The following ROBO1 variants were observed in gnomAD, a reference collection of about 807,000 sequenced individuals.
ROBO1 encodes roundabout guidance receptor 1.
A neutral mutation model predicts 195.9 loss-of-function variants in ROBO1; 149 were observed. That is an observed-to-expected ratio of 0.76 (90% CI 0.67 to 0.87). The LOEUF is 0.87. ROBO1 is among the 40% of genes least tolerant of loss of function. ROBO1 has a pLI of 0.00. For synonymous variants in ROBO1, 816 were observed against 733.2 expected (o/e 1.11, Z -1.82); for missense variants, 1,933 against 2,068.3 (o/e 0.93, Z 1.27).
chr3:79,217,569 G>T (rs1472145069), intron 2 of ROBO1, among the ~76,000 whole-genome samples: 3 of 151,854 alleles, frequency 2.0e-5, no homozygotes, highest in South Asian at 2.1e-4. Flanking sequence ...CCTATAGACT[G>T]GCATCTTGGG....
intron 1 of ROBO1, among the ~76,000 whole-genome samples, chr3:79,679,582 G>C (rs1018691533): frequency 1.4e-4 from 22 of 151,952 alleles, no homozygotes; most frequent in Non-Finnish European, 1.2e-4. Context: ...TCTTCTGTTT[G>C]TTAATTTAAC....
At chr3:78,610,003 C>G (rs1299615984) in intron 28 of ROBO1, among the ~76,000 whole-genome samples, 1 of 151,984 alleles carries the variant, frequency 6.6e-6, no homozygotes, top group African/African-American at 2.4e-5. Flanking sequence ...TAGTACCTAC[C>G]AGCTGTTTTA....
At chr3:79,255,049 C>T (rs1352590741) in intron 2 of ROBO1, among the ~76,000 whole-genome samples, 6 of 152,098 alleles carry the variant, frequency 3.9e-5, no homozygotes, top group African/African-American at 1.4e-4. Context: ...AAAAGTCTTC[C>T]GCATTTGCTG....
At chr3:79,397,709 A>T (rs2037206481) in intron 2 of ROBO1, among the ~76,000 whole-genome samples, 1 of 152,198 alleles carries the variant, frequency 6.6e-6, no homozygotes. Context: ...CAAAACATTT[A>T]TAAAGTACAA....
chr3:79,041,362 C>T (rs529581490), intron 3 of ROBO1, among the ~76,000 whole-genome samples: 5 of 152,218 alleles, frequency 3.3e-5, no homozygotes, highest in Admixed American at 3.3e-4. Flanking sequence ...GGAGATTTCT[C>T]TTCCACTTCC....
rs558087386 is a variant in ROBO1, at chr3:78,614,781, C to T, written c.4302G>A (p.Ala1434=). 7.0e-5 allele frequency: 113 copies of T among 1,606,658 alleles called. 2 individuals are homozygous for T. In the African/African-American group the frequency reaches 7.5e-4, roughly 11 times the overall value. ...QDAAGRRHFH[A]SQCPRPTSPV... ...GACTTGTGGGCCTAGGGCACTGAGA[C>T]GCATGAAAATGTCGACGGCCTAAGG... The change falls in exon 28 of 31, where the codon GCG becomes GCA. Residue 1434 remains alanine (A), a synonymous_variant. Coordinates refer to ENST00000464233, the MANE Select transcript of ROBO1 (RefSeq NM_002941.4).
chr3:79,206,775 G>T (rs1019993268), intron 2 of ROBO1, among the ~76,000 whole-genome samples: 7 of 152,258 alleles, frequency 4.6e-5, no homozygotes, highest in South Asian at 2.1e-4. Context: ...ATTCTTGAAA[G>T]AAAAGGCAGT....
At chr3:79,729,848 T>A (rs1353773155) in intron 1 of ROBO1, among the ~76,000 whole-genome samples, 1 of 152,190 alleles carries the variant, frequency 6.6e-6, no homozygotes, top group Non-Finnish European at 1.5e-5. Flanking sequence ...TGGTAGATTT[T>A]ACTGCTGCAT....
At chr3:78,936,028 G>A (rs1049020139) in intron 4 of ROBO1, among the ~76,000 whole-genome samples, 1 of 151,902 alleles carries the variant, frequency 6.6e-6, no homozygotes, top group Non-Finnish European at 1.5e-5. Flanking sequence ...TATCTGCACT[G>A]AGGTCTACCC....
At chr3:78,700,005 A>T (rs1450802936) in intron 8 of ROBO1, among the ~76,000 whole-genome samples, 4 of 152,222 alleles carry the variant, frequency 2.6e-5, no homozygotes, top group Non-Finnish European at 5.9e-5. Flanking sequence ...TATAGTTAAA[A>T]TTATACATTT....
intron 8 of ROBO1, among the ~76,000 whole-genome samples, chr3:78,713,915 C>T (rs981443163): frequency 1.2e-4 from 19 of 152,194 alleles, no homozygotes; most frequent in African/African-American, 4.6e-4. Context: ...AAAGTCCCTG[C>T]TCAATAAATC....
chr3:79,515,506 T>C (rs779806736), intron 2 of ROBO1, among the ~76,000 whole-genome samples: 1 of 152,192 alleles, frequency 6.6e-6, no homozygotes, highest in Admixed American at 6.5e-5. Flanking sequence ...GAGCAGACGT[T>C]CCTTTAACTG....
chr3:79,467,996 G>C (rs1225912670), intron 2 of ROBO1, among the ~76,000 whole-genome samples: 5 of 152,164 alleles, frequency 3.3e-5, no homozygotes, highest in Admixed American at 1.3e-4. Flanking sequence ...ACAGCCAAAG[G>C]GTTCATGGAA....
Position 78,631,295 on chromosome 3 carries a change from C to A in ROBO1, c.3492G>T (p.Gly1164=), listed in dbSNP as rs779253146. ...DRGSSTSGSQ[G]HKKGARTPKV... ...TGGGTGTTCTTGCCCCTTTCTTGTGCCCCTGACTCCCTAGAAAGGAAATAA... is the reference window on the plus strand; with the variant it reads ...TGGGTGTTCTTGCCCCTTTCTTGTGACCCTGACTCCCTAGAAAGGAAATAA... Residue 1164 remains glycine (G), a synonymous_variant, in exon 25 of 31, where the codon GGG becomes GGT. Transcript: ENST00000464233. The A allele has an allele frequency of 1.2e-6, 2 of 1,612,764 alleles. No individual in the cohort carries two copies. The highest frequency in any genetic ancestry group is 3.3e-5 in the Admixed American group (2 of 59,924).
intron 4 of ROBO1, among the ~76,000 whole-genome samples, chr3:78,898,209 A>C (rs1261995321): frequency 6.7e-6 from 1 of 149,894 alleles, no homozygotes. Flanking sequence ...AAATAAATTT[A>C]TAGTGCACTA....
chr3:78,921,709 G>C (rs1478464107), intron 4 of ROBO1, among the ~76,000 whole-genome samples: 7 of 151,882 alleles, frequency 4.6e-5, no homozygotes, highest in Non-Finnish European at 1.5e-5. Flanking sequence ...AACAAAATCT[G>C]GCATGAATAG....
chr3:79,416,154 A>G (rs767316796), intron 2 of ROBO1, among the ~76,000 whole-genome samples: 12 of 152,126 alleles, frequency 7.9e-5, no homozygotes, highest in Non-Finnish European at 1.5e-4. Context: ...GAATATTTGA[A>G]TTAAATAGAA....
rs1292627704 is a variant in ROBO1, at chr3:78,764,510, C to G, written c.500-17610G>C. On this transcript the variant is annotated intron_variant, in intron 4 of 30. Coordinates refer to ENST00000464233, the MANE Select transcript of ROBO1 (RefSeq NM_002941.4). ...TCTAGGTAAAATATTAATGGAAAGT[C>G]TTTGGCAGCCACAAGATTTGACCAA... is the stretch of plus-strand genomic sequence containing the variant. 2.0e-5 allele frequency among the ~76,000 whole-genome samples: 3 copies of G among 152,082 alleles called. 1 individual carries two copies. The highest frequency in any genetic ancestry group is 4.1e-4 in the South Asian group (2 of 4,820).
chr3:78,729,920 A>G (rs548285130), intron 5 of ROBO1, among the ~76,000 whole-genome samples: 86 of 152,334 alleles, frequency 5.6e-4, no homozygotes, highest in African/African-American at 2.0e-3. Context: ...CTGCTGTTTT[A>G]AAGGTAAAAA....
Sources: allele counts gnomAD v4.1 joint callset (sites outside exome capture counted in the v4.1 genomes callset), GRCh38; gene constraint gnomAD v4.1.1; transcripts MANE v1.5; gene names NCBI Gene and HGNC (gene_info 2026-07-23, HGNC 2026-07-21).